Variants in SPOCK3 observed in about 807,000 individuals in gnomAD.
SPOCK3 encodes SPARC (osteonectin), cwcv and kazal like domains proteoglycan 3.
In SPOCK3, 30 loss-of-function variants were observed where a neutral mutation model predicts 56.6. The observed-to-expected ratio is 0.53, with a 90% CI of 0.40 to 0.72. The LOEUF (loss-of-function observed/expected upper bound fraction) is 0.72, where lower values mean the gene tolerates loss of function less well. Ranked by LOEUF, SPOCK3 falls within the 30% of genes least tolerant of loss-of-function variation. The pLI is 0.00. For missense variants in SPOCK3, 527 were observed against 530.0 expected, an observed-to-expected ratio of 0.99 and a Z score of 0.06; for synonymous variants, 196 against 183.3, an observed-to-expected ratio of 1.07 and a Z score of -0.56.
At position 166,752,599 on chromosome 4, in the gene SPOCK3, C is replaced by A. The variant is rs2126481345; in HGVS notation, c.931+1909G>T. Among the ~76,000 whole-genome samples the A allele has an allele frequency of 1.3e-5, 2 of 148,846 alleles. 1 individual carries two copies. Among genetic ancestry groups the A allele is most frequent in the African/African-American group, 5.0e-5 (2 of 39,846 alleles). On this transcript the variant is annotated intron_variant, in intron 8 of 10. Coordinates refer to ENST00000357545, the MANE Select transcript of SPOCK3 (RefSeq NM_001040159.2). ...ACACACACACACACACACACACACACACACACACACACACATATATTTATA... is the reference window on the plus strand; with the variant it reads ...ACACACACACACACACACACACACAAACACACACACACACATATATTTATA...
chr4:166,754,555 C>G lies in SPOCK3; in HGVS notation c.884G>C (p.Ser295Thr). The G allele has an allele frequency of 6.2e-7, 1 of 1,613,574 alleles. No homozygotes were observed. Residue 295 changes from serine (S) to threonine (T), a missense_variant, in exon 8 of 11, where the codon AGT becomes ACT. By Grantham distance (58) the Ser-to-Thr change is moderately conservative. Coordinates refer to ENST00000357545, the MANE Select transcript of SPOCK3 (RefSeq NM_001040159.2). The part of the protein sequence containing the change: ...FFNSCDTYKD[S>T]LISNNEWCYC... Reference sequence around the variant, plus strand: ...GCACCACTCATTATTAGATATTAAACTGTCCTTGTATGTGTCACAAGAATT... The same window carrying G: ...GCACCACTCATTATTAGATATTAAAGTGTCCTTGTATGTGTCACAAGAATT...
chr4:166,896,420 T>C (rs1735390826), intron 5 of SPOCK3, among the ~76,000 whole-genome samples: 1 of 152,130 alleles, frequency 6.6e-6, no homozygotes, highest in Admixed American at 6.5e-5. Flanking sequence ...CTCTTACATG[T>C]AATCTGAAAT....
chr4:166,893,956 C>T lies in SPOCK3; in HGVS notation c.475-4712G>A, dbSNP rs148390714. On this transcript the variant is annotated intron_variant, in intron 5 of 10. Coordinates refer to ENST00000357545, the MANE Select transcript of SPOCK3 (RefSeq NM_001040159.2). ...AATGGTGTTCTCCATTCAAACATAACCACAGGAGGAAATGAGGACTCCAGC... is the reference window on the plus strand; with the variant it reads ...AATGGTGTTCTCCATTCAAACATAATCACAGGAGGAAATGAGGACTCCAGC... Among the ~76,000 whole-genome samples, 52 of 152,196 alleles carry T rather than the reference C, an allele frequency of 3.4e-4. No homozygotes were observed. In the East Asian group the frequency reaches 9.7e-3, roughly 28 times the overall value.
At chr4:167,083,306 G>A in intron 2 of SPOCK3, 1 of 764,728 alleles carries the variant, frequency 1.3e-6, no homozygotes, top group South Asian at 1.3e-5. Flanking sequence ...GTTGTCATCT[G>A]CTCCTACTGA....
At chr4:166,826,982 C>T (rs1013293723) in intron 6 of SPOCK3, among the ~76,000 whole-genome samples, 1 of 151,530 alleles carries the variant, frequency 6.6e-6, no homozygotes, top group Non-Finnish European at 1.5e-5. Flanking sequence ...TTTTGCTGGG[C>T]CCATTAAAAA....
chr4:166,921,338 T>G (rs1182125571), intron 4 of SPOCK3, among the ~76,000 whole-genome samples: 2 of 151,798 alleles, frequency 1.3e-5, no homozygotes, highest in Non-Finnish European at 2.9e-5. Flanking sequence ...TTTTTTTTTT[T>G]TTTTGAGACT....
At chr4:167,040,716 A>G (rs1229807630) in intron 3 of SPOCK3, among the ~76,000 whole-genome samples, 1 of 152,220 alleles carries the variant, frequency 6.6e-6, no homozygotes, top group Admixed American at 6.5e-5. Flanking sequence ...AAACTATGGC[A>G]GAATGAAATG....
intron 4 of SPOCK3, among the ~76,000 whole-genome samples, chr4:166,976,987 G>A (rs2150084531): frequency 6.6e-6 from 1 of 151,876 alleles, no homozygotes; most frequent in African/African-American, 2.4e-5. Context: ...TGAGAAAGAT[G>A]GCGTGATAAG....
intron 4 of SPOCK3, among the ~76,000 whole-genome samples, chr4:166,934,518 G>T (rs1740170565): frequency 6.6e-6 from 1 of 151,726 alleles, no homozygotes; most frequent in Non-Finnish European, 1.5e-5. Context: ...TGAAAGAAAA[G>T]AAAAGTCACA....
In SPOCK3 at chr4:166,889,258, G is replaced by A. The variant is rs199995719; in HGVS notation, c.475-14C>T. 1.9e-4 allele frequency: 265 copies of A among 1,428,480 alleles called. No individual in the cohort carries two copies. Among genetic ancestry groups the A allele is most frequent in the African/African-American group, 1.7e-3 (119 of 68,760 alleles). 88.5% of individuals were successfully genotyped at this position (1,428,480 alleles called of 1,614,324 possible). ...TTCTAGTTTGCACTGTATAAAAAGAGAAAAAAAAAGTAATTCAAATGCTTT... is the reference window on the plus strand; with the variant it reads ...TTCTAGTTTGCACTGTATAAAAAGAAAAAAAAAAAGTAATTCAAATGCTTT... On this transcript the variant is annotated splice_polypyrimidine_tract_variant and intron_variant, in intron 5 of 10. Transcript: ENST00000357545.
chr4:167,223,176 ATAT>A (rs1736223610), intron 2 of SPOCK3, among the ~76,000 whole-genome samples: 2 of 129,890 alleles, frequency 1.5e-5, no homozygotes, highest in African/African-American at 6.0e-5. Flanking sequence ...TGAATATATA[ATAT>A]ATATTTTATA....
intron 3 of SPOCK3, among the ~76,000 whole-genome samples, chr4:167,030,093 C>CTATT (rs143163141): frequency 0.13 from 19,673 of 148,864 alleles, 1,399 homozygotes; most frequent in Non-Finnish European, 0.15. Flanking sequence ...TTCTATCTAT[C>CTATT]TATCTATCTA....
chr4:167,070,645 A>C (rs1342582872), intron 2 of SPOCK3, among the ~76,000 whole-genome samples: 1 of 151,960 alleles, frequency 6.6e-6, no homozygotes. Context: ...TAGCAATGGC[A>C]ATCTGTTTTA....
At chr4:166,912,262 A>C (rs546891115) in intron 5 of SPOCK3, among the ~76,000 whole-genome samples, 1 of 152,270 alleles carries the variant, frequency 6.6e-6, no homozygotes, top group African/African-American at 2.4e-5. Context: ...ATAAAATATG[A>C]GATTAAAAAA....
intron 2 of SPOCK3, among the ~76,000 whole-genome samples, chr4:167,169,435 G>A (rs1379440682): frequency 6.6e-6 from 1 of 152,186 alleles, no homozygotes. Context: ...GATCATTTTG[G>A]AGCTTTAAGA....
Position 167,078,308 on chromosome 4 carries a change from CTGTGTGTGTGTGTGTGTGTGTG to C in SPOCK3, c.190-15793_190-15772del, listed in dbSNP as rs3082377. 2.4e-3 allele frequency among the ~76,000 whole-genome samples: 253 copies of C among 105,120 alleles called. 2 individuals are homozygous for C. Among genetic ancestry groups the C allele is most frequent in the African/African-American group, 6.2e-3 (184 of 29,654 alleles). 69.0% of individuals were successfully genotyped at this position (105,120 alleles called of 152,430 possible). A position where few individuals can be genotyped will look rare whatever the true frequency, so the allele number is the denominator to read the frequency against. ...ACCTATGTGTATCCAGGTCATAACT[CTGTGTGTGTGTGTGTGTGTGTG>C]TGTGTGTGTGTGTGTGTGTGTGTGT... On this transcript the variant is annotated intron_variant, in intron 2 of 10. Transcript: ENST00000357545.
At chr4:166,880,175 A>T (rs1733540161) in intron 6 of SPOCK3, among the ~76,000 whole-genome samples, 1 of 152,174 alleles carries the variant, frequency 6.6e-6, no homozygotes, top group Non-Finnish European at 1.5e-5. Flanking sequence ...TGGTAGACTG[A>T]GGTTGCTTTT....
At chr4:166,810,754 C>T (rs762568648) in intron 6 of SPOCK3, among the ~76,000 whole-genome samples, 36 of 151,780 alleles carry the variant, frequency 2.4e-4, no homozygotes, top group East Asian at 7.8e-4. Context: ...ATGAGAAGGA[C>T]CTATTAATTT....
chr4:166,776,986 T>C lies in SPOCK3; in HGVS notation c.709+15184A>G, dbSNP rs759883636. Among the ~76,000 whole-genome samples, 5 of 152,162 alleles carry C rather than the reference T, an allele frequency of 3.3e-5. No individual in the cohort carries two copies. In the East Asian group the frequency reaches 9.6e-4, roughly 29 times the overall value. On this transcript the variant is annotated intron_variant, in intron 7 of 10. Transcript: ENST00000357545. ...GACATTGAGAAAACATTTTTAACTG[T>C]GAAAAATGTGAATATTACAAACATG...
Sources: gnomAD v4.1 joint callset for allele counts (sites outside exome capture counted in the v4.1 genomes callset) on GRCh38, gnomAD v4.1.1 for gene constraint, MANE v1.5 for transcripts, NCBI Gene and HGNC (gene_info 2026-07-23, HGNC 2026-07-21) for gene names.